Variants in ASAP1 observed in about 807,000 individuals in gnomAD.
ASAP1 encodes arf-GAP with SH3 domain, ANK repeat and PH domain-containing protein 1.
In ASAP1, 43 loss-of-function variants were observed where a neutral mutation model predicts 145.2. The observed-to-expected ratio is 0.30, with a 90% CI of 0.23 to 0.38. The LOEUF (loss-of-function observed/expected upper bound fraction) is 0.38, where lower values mean the gene tolerates loss of function less well. Ranked by LOEUF, ASAP1 falls within the 10% of genes least tolerant of loss-of-function variation. ASAP1 has a pLI of 1.00. For missense variants in ASAP1, 1,018 were observed against 1,355.3 expected, an observed-to-expected ratio of 0.75 and a Z score of 3.91; for synonymous variants, 546 against 515.5, an observed-to-expected ratio of 1.06 and a Z score of -0.80.
intron 15 of ASAP1, among the ~76,000 whole-genome samples, chr8:130,130,745 G>A (rs142387302): frequency 3.9e-5 from 6 of 152,270 alleles, no homozygotes; most frequent in African/African-American, 1.4e-4. Flanking sequence ...CAGATGATCT[G>A]CCTAAGGTTA....
chr8:130,130,883 A>AT lies in ASAP1; in HGVS notation c.1218-2794_1218-2793insA, dbSNP rs546387403. ...ACATAGATCTCATTTTAAAAAAAAA[A>AT]GCCACGCTCACGCCTGTAAGCCCAG... On this transcript the variant is annotated intron_variant, in intron 15 of 29. Transcript: ENST00000518721. Among the ~76,000 whole-genome samples, 19 of 152,222 alleles carry AT rather than the reference A, an allele frequency of 1.2e-4. No individual in the cohort carries two copies. In the East Asian group the frequency reaches 2.9e-3, roughly 23 times the overall value.
At chr8:130,304,433 A>T (rs1053565070) in intron 3 of ASAP1, among the ~76,000 whole-genome samples, 26 of 152,144 alleles carry the variant, frequency 1.7e-4, no homozygotes, top group African/African-American at 6.0e-4. Context: ...TGTAATACTA[A>T]TATATTGAAA....
At chr8:130,075,532 G>C (rs7008180) in intron 27 of ASAP1, among the ~76,000 whole-genome samples, 18,726 of 152,180 alleles carry the variant, frequency 0.12, 1,622 homozygotes, top group African/African-American at 0.24. Context: ...TGAGCTCCTC[G>C]GAGCTTCCGT....
intron 27 of ASAP1, among the ~76,000 whole-genome samples, chr8:130,072,831 G>GTGTGTGTGTGTGTGTGTGTGT (rs58907739): frequency 2.7e-5 from 3 of 110,776 alleles, no homozygotes; most frequent in African/African-American, 7.2e-5. Flanking sequence ...GTGTGCGCGC[G>GTGTGTGTGTGTGTGTGTGTGT]GGGGGGGGCA....
chr8:130,129,023 T>C (rs2097579347), intron 15 of ASAP1, among the ~76,000 whole-genome samples: 1 of 152,144 alleles, frequency 6.6e-6, no homozygotes, highest in Non-Finnish European at 1.5e-5. Flanking sequence ...TGGATCAAGG[T>C]GGCGGTTTCC....
At chr8:130,139,785 T>G (rs942146029) in intron 13 of ASAP1, among the ~76,000 whole-genome samples, 14 of 151,618 alleles carry the variant, frequency 9.2e-5, no homozygotes, top group Admixed American at 6.6e-4. Context: ...AAGAAAAATT[T>G]AGTAATTTTT....
chr8:130,128,801 A>AC (rs1491232087), intron 15 of ASAP1, among the ~76,000 whole-genome samples: 2 of 152,220 alleles, frequency 1.3e-5, no homozygotes, highest in African/African-American at 4.8e-5. Context: ...ACAAAGTAGA[A>AC]CAGTTAAGCA....
At chr8:130,079,643 G>C (rs1002808539) in intron 26 of ASAP1, among the ~76,000 whole-genome samples, 9 of 131,030 alleles carry the variant, frequency 6.9e-5, no homozygotes, top group Admixed American at 1.5e-4. Flanking sequence ...GCGACCACCG[G>C]GAAGTGAGGT....
At chr8:130,068,692 CCACTGTAAGGTCTGTT>C (rs1376392234) in intron 27 of ASAP1, among the ~76,000 whole-genome samples, 1 of 152,188 alleles carries the variant, frequency 6.6e-6, no homozygotes, top group African/African-American at 2.4e-5. Context: ...CAGATAAAAG[CCACTGTAAGGTCTGTT>C]CACCCTGAGA....
intron 1 of ASAP1, among the ~76,000 whole-genome samples, chr8:130,403,553 T>TC (rs1490837594): frequency 7.9e-6 from 1 of 126,480 alleles, no homozygotes; most frequent in East Asian, 2.0e-4. Flanking sequence ...TTTTTCTTTT[T>TC]CTTTTTTTTT....
chr8:130,413,725 T>C (rs1001569413), intron 1 of ASAP1, among the ~76,000 whole-genome samples: 4 of 152,194 alleles, frequency 2.6e-5, no homozygotes, highest in African/African-American at 9.7e-5. Flanking sequence ...ACCATCTATC[T>C]GTGGCTCTGA....
chr8:130,184,953 A>G (rs1586543975), intron 7 of ASAP1, among the ~76,000 whole-genome samples: 1 of 152,182 alleles, frequency 6.6e-6, no homozygotes, highest in South Asian at 2.1e-4. Context: ...ACTGGTAATG[A>G]TTTCTAAGTC....
intron 3 of ASAP1, among the ~76,000 whole-genome samples, chr8:130,254,249 A>G (rs917254499): frequency 3.9e-5 from 6 of 152,222 alleles, no homozygotes; most frequent in Non-Finnish European, 8.8e-5. Context: ...TTCTTTTTAA[A>G]TATATTTTAG....
intron 24 of ASAP1, among the ~76,000 whole-genome samples, chr8:130,094,110 A>G (rs1356841102): frequency 2.6e-5 from 4 of 152,218 alleles, no homozygotes; most frequent in African/African-American, 7.2e-5. Flanking sequence ...TTTTGTAACA[A>G]TACAGAGATT....
chr8:130,114,491 G>A (rs1273696987), intron 23 of ASAP1, among the ~76,000 whole-genome samples: 1 of 152,232 alleles, frequency 6.6e-6, no homozygotes, highest in East Asian at 1.9e-4. Context: ...GGGTGTGAGT[G>A]AAGGCCTAGG....
At position 130,244,863 on chromosome 8, in the gene ASAP1, C is replaced by T. The variant is rs545756671; in HGVS notation, c.187-7869G>A. On this transcript the variant is annotated intron_variant, in intron 3 of 29. Coordinates refer to ENST00000518721, the MANE Select transcript of ASAP1 (RefSeq NM_018482.4). ...CCATGGCATTCTATCTGACACTCCTCTTGGAACAAGCCAGGAAGGAATGGG... is the reference window on the plus strand; with the variant it reads ...CCATGGCATTCTATCTGACACTCCTTTTGGAACAAGCCAGGAAGGAATGGG... Among the ~76,000 whole-genome samples, 17 of 152,254 alleles carry T rather than the reference C, an allele frequency of 1.1e-4. No homozygotes were observed. The South Asian group carries it at 1.7e-3, about 15-fold the overall frequency.
chr8:130,126,126 GA>G (rs1193569258), intron 16 of ASAP1, 37 bp from the exon 17 acceptor site: 1 of 1,582,040 alleles, frequency 6.3e-7, no homozygotes, highest in Non-Finnish European at 8.6e-7. Context: ...AAACAAAAAA[GA>G]CATCTAATTT....
At position 130,124,082 on chromosome 8, in the gene ASAP1, T is replaced by C. The variant is rs760579804; in HGVS notation, c.1538A>G (p.Asn513Ser). 4 of 1,606,762 alleles carry C rather than the reference T, an allele frequency of 2.5e-6. No individual in the cohort carries two copies. The Admixed American group carries it at 6.9e-5, about 28-fold the overall frequency. ...TGCTTCCATAATATCATTAAAACTATTGTTTCCTACATTCTTGGCCAGCTG... is the reference window on the plus strand; with the variant it reads ...TGCTTCCATAATATCATTAAAACTACTGTTTCCTACATTCTTGGCCAGCTG... ...ELLLAKNVGN[N>S]SFNDIMEANL... The change falls in exon 18 of 30, where the codon AAT (asparagine) becomes AGT (serine). Residue 513 changes from asparagine to serine, a missense_variant. Asn to Ser is a conservative substitution (Grantham distance 46). Transcript: ENST00000518721.
intron 3 of ASAP1, among the ~76,000 whole-genome samples, chr8:130,299,757 G>A (rs777716934): frequency 5.9e-5 from 9 of 151,662 alleles, no homozygotes; most frequent in Non-Finnish European, 1.3e-4. Flanking sequence ...AAATCCAAAG[G>A]AATAACAACA....
Sources: allele counts gnomAD v4.1 joint callset (sites outside exome capture counted in the v4.1 genomes callset), GRCh38; gene constraint gnomAD v4.1.1; transcripts MANE v1.5; gene names NCBI Gene and HGNC (gene_info 2026-07-23, HGNC 2026-07-21).